Variants in EPHA2 observed in about 807,000 individuals in gnomAD.
EPHA2 encodes the protein ephrin type-A receptor 2.
EPHA2 carries 54 observed loss-of-function variants against 104.9 expected under a neutral mutation model. The ratio of observed to expected loss-of-function variants is 0.51; its 90% confidence interval spans 0.41 to 0.65. The LOEUF (loss-of-function observed/expected upper bound fraction) is 0.65. EPHA2 is among the 30% of genes least tolerant of loss of function. The pLI is 0.00. For synonymous variants in EPHA2, 560 were observed against 559.1 expected, an observed-to-expected ratio of 1.00 and a Z score of -0.02; for missense variants, 1,117 against 1,369.5, an observed-to-expected ratio of 0.82 and a Z score of 2.91.
At chr1:16,127,996 G>C (rs2024501169) in intron 16 of EPHA2, among the ~76,000 whole-genome samples, 1 of 152,206 alleles carries the variant, frequency 6.6e-6, no homozygotes, top group African/African-American at 2.4e-5. Flanking sequence ...TGTCCTTGGT[G>C]GGAGCCCCTG....
chr1:16,137,735 C>A, intron 5 of EPHA2, 118 bp downstream of exon 5: 2 of 1,264,982 alleles, frequency 1.6e-6, no homozygotes, highest in Non-Finnish European at 2.2e-6. Context: ...AGACACTGTG[C>A]CTTTAACCAC....
chr1:16,146,741 A>G (rs1365449312), intron 3 of EPHA2, among the ~76,000 whole-genome samples: 1 of 152,230 alleles, frequency 6.6e-6, no homozygotes, highest in East Asian at 1.9e-4. Flanking sequence ...GACCGTGTTA[A>G]GTAAGGTTCT....
Position 16,133,619 on chromosome 1 carries a change from G to A in EPHA2, c.1739-13C>T, listed in dbSNP as rs2124207694. On this transcript the variant is annotated splice_polypyrimidine_tract_variant and intron_variant, in intron 9 of 16. Transcript: ENST00000358432. ...GGCTTCAGTTGTTCTGGAAGGAGAA[G>A]GGGTGGGGTCACAGGCAGCTCAGGA... 1 of 1,613,748 alleles carries A rather than the reference G, an allele frequency of 6.2e-7. No homozygotes were observed. Among genetic ancestry groups the A allele is most frequent in the Non-Finnish European group, 8.5e-7 (1 of 1,179,954 alleles).
intron 3 of EPHA2, among the ~76,000 whole-genome samples, chr1:16,144,700 T>C (rs1292088234): frequency 6.6e-6 from 1 of 152,104 alleles, no homozygotes; most frequent in African/African-American, 2.4e-5. Context: ...GCCCACTCAT[T>C]TTACAGATGG....
chr1:16,137,306 A>C (rs1014333302), intron 5 of EPHA2, among the ~76,000 whole-genome samples: 5 of 152,034 alleles, frequency 3.3e-5, no homozygotes, highest in South Asian at 2.1e-4. Flanking sequence ...CTAAAAAAAA[A>C]AAAAATTGCA....
Position 16,125,301 on chromosome 1 carries a change from C to A in EPHA2, c.2845G>T (p.Val949Leu). Residue 949 changes from valine to leucine, a missense_variant, in exon 17 of 17, where the codon GTG (valine) becomes TTG (leucine). Transcript: ENST00000358432. The surrounding 1 kb of genome is among the most constrained non-coding windows in gnomAD (Gnocchi z 4.9). ...MTNDDIKRIG[V>L]RLPGHQKRIA... ...CGCTTCTGGTGGCCGGGCAGCCGCA[C>A]CCCAATCCTCTTGATGTCGCTGTGG... is the stretch of plus-strand genomic sequence containing the variant. 1 of 1,613,412 alleles carries A rather than the reference C, an allele frequency of 6.2e-7. No homozygotes were observed. Among genetic ancestry groups the A allele is most frequent in the African/African-American group, 1.3e-5 (1 of 74,904 alleles).
At chr1:16,133,781 C>G in intron 9 of EPHA2, 79 bp downstream of exon 9, 3 of 1,493,926 alleles carry the variant, frequency 2.0e-6, no homozygotes, top group Non-Finnish European at 2.7e-6. Flanking sequence ...CCTGGGAACA[C>G]CCTGGCTGCC....
Position 16,125,282 on chromosome 1 carries a change from T to C in EPHA2, c.2864A>G (p.Gln955Arg). The C allele has an allele frequency of 6.4e-7, 1 of 1,557,566 alleles. No individual in the cohort carries two copies. The highest frequency in any genetic ancestry group is 1.4e-5 in the African/African-American group (1 of 72,686). ...KRIGVRLPGH[Q>R]KRIAYSLLGL... ...CAGCAGGCTGTAGGCGATGCGCTTC[T>C]GGTGGCCGGGCAGCCGCACCCCAAT... Residue 955 changes from glutamine to arginine, a missense_variant, in exon 17 of 17, where the codon CAG becomes CGG. Transcript: ENST00000358432. This position sits in a 1 kb window ranked among gnomAD's most constrained non-coding sequence, Gnocchi z 4.9.
chr1:16,142,258 G>A (rs1383096902), intron 3 of EPHA2, among the ~76,000 whole-genome samples: 2 of 152,224 alleles, frequency 1.3e-5, no homozygotes, highest in Admixed American at 6.5e-5. Context: ...CACTTCATAC[G>A]TGTCTGGCAC....
At chr1:16,147,410 G>C (rs1346755869) in intron 3 of EPHA2, among the ~76,000 whole-genome samples, 1 of 152,074 alleles carries the variant, frequency 6.6e-6, no homozygotes, top group African/African-American at 2.4e-5. Flanking sequence ...TGCAGCCAGG[G>C]GATGTGCACC....
chr1:16,145,228 G>C (rs938109298), intron 3 of EPHA2, among the ~76,000 whole-genome samples: 1 of 152,206 alleles, frequency 6.6e-6, no homozygotes, highest in African/African-American at 2.4e-5. Context: ...AGCAGCCCCC[G>C]GGGGACAGCG....
chr1:16,153,425 A>C, intron 1 of EPHA2: 1 of 682,122 alleles, frequency 1.5e-6, no homozygotes, highest in Non-Finnish European at 1.8e-6. Context: ...GTAGAACCAG[A>C]AACCAAGGAC....
Position 16,133,317 on chromosome 1 carries a change from T to C in EPHA2, c.1916A>G (p.Lys639Arg). The C allele has an allele frequency of 1.9e-6, 3 of 1,613,888 alleles. No individual in the cohort carries two copies. The South Asian group carries it at 3.3e-5, about 18-fold the overall frequency. Residue 639 changes from lysine (K) to arginine (R), a missense_variant, in exon 11 of 17, where the codon AAG (lysine) becomes AGG (arginine). Lys to Arg is a conservative substitution (Grantham distance 26). Coordinates refer to ENST00000358432, the MANE Select transcript of EPHA2 (RefSeq NM_004431.5). Reference sequence around the variant, plus strand: ...CGTCTTGATGGCCACCGGCACCTCCTTCTTCCCCGAGGATGTCTTCAGCAT... The same window carrying C: ...CGTCTTGATGGCCACCGGCACCTCCCTCTTCCCCGAGGATGTCTTCAGCAT... ...KGMLKTSSGKKEVPVAIKTLK... is the reference protein window; with the variant it reads ...KGMLKTSSGKREVPVAIKTLK...
At chr1:16,127,885 G>A (rs1008703223) in intron 16 of EPHA2, among the ~76,000 whole-genome samples, 6 of 152,202 alleles carry the variant, frequency 3.9e-5, no homozygotes, top group African/African-American at 1.4e-4. Context: ...AGGAATTGGC[G>A]AGGAGCACCC....
At chr1:16,136,303 A>AATAATAATAAT (rs2024681848) in intron 5 of EPHA2, among the ~76,000 whole-genome samples, 41 of 140,990 alleles carry the variant, frequency 2.9e-4, no homozygotes, top group African/African-American at 9.8e-4. Context: ...ACGAGTGCAT[A>AATAATAATAAT]AATAATAATA....
At chr1:16,151,883 G>T (rs1425513088) in intron 1 of EPHA2, among the ~76,000 whole-genome samples, 2 of 152,116 alleles carry the variant, frequency 1.3e-5, no homozygotes, top group Admixed American at 6.5e-5. Flanking sequence ...ATACACTCCC[G>T]GGGTCTTCCC....
intron 1 of EPHA2, among the ~76,000 whole-genome samples, chr1:16,151,217 G>T (rs1193364780): frequency 6.6e-6 from 1 of 152,206 alleles, no homozygotes; most frequent in African/African-American, 2.4e-5. Context: ...CCCAGGCCAG[G>T]ATTCCAGCCA....
At chr1:16,138,208 T>G (rs2124228193) in intron 4 of EPHA2, 23 bp from the exon 5 acceptor site, 1 of 1,611,514 alleles carries the variant, frequency 6.2e-7, no homozygotes, top group Non-Finnish European at 8.5e-7. Flanking sequence ...GAGGAGTCAG[T>G]GCTGTGCTGG....
chr1:16,135,611 G>T lies in EPHA2; in HGVS notation c.1428+44C>A. 1 of 1,563,380 alleles carries T rather than the reference G, an allele frequency of 6.4e-7. No homozygotes were observed. The highest frequency in any genetic ancestry group is 8.8e-7 in the Non-Finnish European group (1 of 1,134,080). ...CATCTATGTGACCAGCCTGTCCCCT[G>T]CTGTCGGCCCAGCTAGAGCCAGCCC... On this transcript the variant is annotated intron_variant, in intron 6 of 16. Coordinates refer to ENST00000358432, the MANE Select transcript of EPHA2 (RefSeq NM_004431.5). This position sits in a 1 kb window ranked among gnomAD's most constrained non-coding sequence, Gnocchi z 4.3.
Sources: allele counts gnomAD v4.1 joint callset (sites outside exome capture counted in the v4.1 genomes callset), GRCh38; gene constraint gnomAD v4.1.1; non-coding constraint Gnocchi (gnomAD v3.1); transcripts MANE v1.5; gene names NCBI Gene and HGNC (gene_info 2026-07-23, HGNC 2026-07-21).